Variants in IER3IP1 observed in about 807,000 individuals in gnomAD.
The protein encoded by IER3IP1 is immediate early response 3-interacting protein 1.
Under a neutral mutation model 12.2 loss-of-function variants are expected in IER3IP1, and 16 were observed. The observed-to-expected ratio is 1.31, with a 90% confidence interval of 0.89 to 1.99. The LOEUF (loss-of-function observed/expected upper bound fraction) is 1.99, where lower values mean the gene tolerates loss of function less well. IER3IP1 is among the 30% of genes most tolerant of loss of function. The pLI, the probability that IER3IP1 is intolerant of heterozygous loss-of-function variation, is 0.00. For synonymous variants in IER3IP1, 42 were observed against 40.0 expected, an observed-to-expected ratio of 1.05 and a Z score of -0.19; for missense variants, 95 against 95.8, an observed-to-expected ratio of 0.99 and a Z score of 0.03.
intron 1 of IER3IP1, among the ~76,000 whole-genome samples, chr18:47,175,720 CA>C (rs1251997747): frequency 6.6e-6 from 1 of 151,326 alleles, no homozygotes; most frequent in Non-Finnish European, 1.5e-5. Context: ...CTCGGCCTGC[CA>C]AAGTGCTGGG....
intron 1 of IER3IP1, among the ~76,000 whole-genome samples, chr18:47,170,500 ATAATAT>A (rs1161927061): frequency 3.3e-5 from 5 of 152,250 alleles, no homozygotes; most frequent in African/African-American, 1.2e-4. Context: ...TATCATCTTA[ATAATAT>A]TAAGTATTCT....
intron 1 of IER3IP1, among the ~76,000 whole-genome samples, chr18:47,160,911 T>C (rs1292972903): frequency 6.6e-6 from 1 of 152,222 alleles, no homozygotes; most frequent in Non-Finnish European, 1.5e-5. Context: ...GTGAGTCTTT[T>C]ACATTCTTTT....
chr18:47,160,601 C>T lies in IER3IP1; in HGVS notation c.92-3064G>A, dbSNP rs200024821. On this transcript the variant is annotated intron_variant, in intron 1 of 2. Transcript: ENST00000256433. ...GGTAATAGTTCCGCCTAACATGATG[C>T]ACCTAACATGATATAACTATCCTGT... 8.4e-4 allele frequency among the ~76,000 whole-genome samples: 128 copies of T among 152,308 alleles called. 2 individuals carry two copies. The East Asian group carries it at 0.014, about 17-fold the overall frequency.
At chr18:47,166,226 A>G (rs1175077709) in intron 1 of IER3IP1, among the ~76,000 whole-genome samples, 1 of 152,244 alleles carries the variant, frequency 6.6e-6, no homozygotes, top group African/African-American at 2.4e-5. Flanking sequence ...CATATCCCTC[A>G]TATCAGGAAT....
intron 1 of IER3IP1, among the ~76,000 whole-genome samples, chr18:47,158,919 T>C (rs1218687340): frequency 6.6e-6 from 1 of 152,110 alleles, no homozygotes; most frequent in Non-Finnish European, 1.5e-5. Flanking sequence ...GCCATGATCA[T>C]GCTACTGCAC....
intron 1 of IER3IP1, among the ~76,000 whole-genome samples, chr18:47,158,401 T>G (rs2063968386): frequency 6.6e-6 from 1 of 152,014 alleles, no homozygotes; most frequent in Non-Finnish European, 1.5e-5. Flanking sequence ...AGTGCAGTGG[T>G]GTAATCACGG....
At chr18:47,163,857 G>GTTAT (rs2063987554) in intron 1 of IER3IP1, among the ~76,000 whole-genome samples, 2 of 152,222 alleles carry the variant, frequency 1.3e-5, no homozygotes, top group Admixed American at 6.5e-5. Context: ...GTGGCATCAT[G>GTTAT]TTATTTAAAA....
At chr18:47,171,454 T>C (rs1460905768) in intron 1 of IER3IP1, among the ~76,000 whole-genome samples, 1 of 152,178 alleles carries the variant, frequency 6.6e-6, no homozygotes, top group Admixed American at 6.5e-5. Flanking sequence ...TGGTATTAAG[T>C]CTTCTTTAAA....
rs1440362826 is a variant in IER3IP1, at chr18:47,154,091, A to G, written c.*2086T>C. 2 of 152,258 alleles carry G rather than the reference A, an allele frequency of 1.3e-5. No homozygotes were observed. Among genetic ancestry groups the G allele is most frequent in the Non-Finnish European group, 2.9e-5 (2 of 68,058 alleles). The allele number at this position is 152,258 out of a possible 1,614,324, so 9.4% of individuals were successfully genotyped here. On this transcript the variant is annotated 3_prime_UTR_variant, in exon 3 of 3. Transcript: ENST00000256433. ...ACATGCAAACACAGGGCCAGAATAC[A>G]TAAGGACTATAAACATCATCGGTAT...
At chr18:47,161,132 T>A (rs983283033) in intron 1 of IER3IP1, among the ~76,000 whole-genome samples, 2 of 152,178 alleles carry the variant, frequency 1.3e-5, no homozygotes, top group African/African-American at 4.8e-5. Flanking sequence ...AAGAGAACAG[T>A]TTTTTTAAAT....
At chr18:47,175,546 C>T (rs1016739428) in intron 1 of IER3IP1, among the ~76,000 whole-genome samples, 3 of 152,200 alleles carry the variant, frequency 2.0e-5, no homozygotes, top group Non-Finnish European at 4.4e-5. Flanking sequence ...TCACTGCAAC[C>T]TCTGCCTCCC....
chr18:47,174,631 T>C (rs1363248124), intron 1 of IER3IP1, among the ~76,000 whole-genome samples: 2 of 150,346 alleles, frequency 1.3e-5, no homozygotes, highest in Non-Finnish European at 3.0e-5. Flanking sequence ...ATTGCGCCAC[T>C]GCACTCCAGC....
intron 1 of IER3IP1, among the ~76,000 whole-genome samples, chr18:47,168,125 C>CAA (rs1161198067): frequency 2.4e-4 from 6 of 25,150 alleles, no homozygotes; most frequent in East Asian, 2.6e-3. Context: ...GACTCCGTCT[C>CAA]AAAAAAAAAA....
chr18:47,164,455 G>T (rs1409568451), intron 1 of IER3IP1, among the ~76,000 whole-genome samples: 2 of 151,496 alleles, frequency 1.3e-5, no homozygotes, highest in African/African-American at 4.8e-5. Context: ...TTTTTCTCAG[G>T]AACCTAGCCA....
intron 1 of IER3IP1, among the ~76,000 whole-genome samples, chr18:47,164,790 ACAAG>A (rs1568072622): frequency 6.6e-6 from 1 of 150,578 alleles, no homozygotes; most frequent in African/African-American, 2.4e-5. Flanking sequence ...AAAAAAAAAA[ACAAG>A]AGAGAGAGAG....
chr18:47,176,354 C>A lies in IER3IP1; in HGVS notation c.-77G>T. Reference sequence around the variant, plus strand: ...AGGGACGTGGCGCCTCCACGGCCGGCGCCTTCCTACGGAAGCCGATGGGGC... The same window carrying A: ...AGGGACGTGGCGCCTCCACGGCCGGAGCCTTCCTACGGAAGCCGATGGGGC... On this transcript the variant is annotated 5_prime_UTR_variant, in exon 1 of 3. Coordinates refer to ENST00000256433, the MANE Select transcript of IER3IP1 (RefSeq NM_016097.5). The A allele has an allele frequency of 7.8e-7, 1 of 1,287,126 alleles. No individual in the cohort carries two copies. The highest frequency in any genetic ancestry group is 1.1e-6 in the Non-Finnish European group (1 of 914,804). 79.7% of individuals were successfully genotyped at this position (1,287,126 alleles called of 1,614,324 possible). A position where few individuals can be genotyped will look rare whatever the true frequency, so the allele number is the denominator to read the frequency against.
intron 1 of IER3IP1, among the ~76,000 whole-genome samples, chr18:47,163,290 C>T (rs2063985662): frequency 6.6e-6 from 1 of 152,098 alleles, no homozygotes; most frequent in Non-Finnish European, 1.5e-5. Flanking sequence ...ACAACATTTA[C>T]TCTGATAACC....
At chr18:47,164,481 T>A (rs74845165) in intron 1 of IER3IP1, among the ~76,000 whole-genome samples, 1 of 151,926 alleles carries the variant, frequency 6.6e-6, no homozygotes, top group African/African-American at 2.4e-5. Context: ...TTAAGAAGCA[T>A]TGCTGTTTTT....
chr18:47,170,780 T>C (rs1433684568), intron 1 of IER3IP1, among the ~76,000 whole-genome samples: 2 of 152,152 alleles, frequency 1.3e-5, no homozygotes, highest in Admixed American at 6.5e-5. Flanking sequence ...AATAGCCTTG[T>C]AGTGGACTCT....
Sources: gnomAD v4.1 joint callset for allele counts (sites outside exome capture counted in the v4.1 genomes callset) on GRCh38, gnomAD v4.1.1 for gene constraint, MANE v1.5 for transcripts, NCBI Gene and HGNC (gene_info 2026-07-23, HGNC 2026-07-21) for gene names.